Variants in ZNF394 observed in about 807,000 individuals in gnomAD.
ZNF394 encodes the protein zinc finger protein 394.
ZNF394 carries 19 observed loss-of-function variants against 21.8 expected under a neutral mutation model. The observed-to-expected ratio is 0.87, with a 90% CI of 0.61 to 1.28. The LOEUF is 1.28. Ranked by LOEUF, ZNF394 falls within the 50% of genes most tolerant of loss-of-function variation. The pLI is 0.00. For missense variants in ZNF394, 683 were observed against 708.6 expected, an observed-to-expected ratio of 0.96 and a Z score of 0.41; for synonymous variants, 294 against 273.3, an observed-to-expected ratio of 1.08 and a Z score of -0.75.
intron 1 of ZNF394, 90 bp from the exon 2 acceptor site, chr7:99,498,932 G>A (rs1476763541): frequency 3.4e-6 from 5 of 1,464,960 alleles, no homozygotes; most frequent in East Asian, 2.4e-5. Context: ...AGGGAGTTTG[G>A]AGAGATCAGA....
chr7:99,492,011 T>C (rs1323540215), downstream of ZNF394, among the ~76,000 whole-genome samples: 2 of 147,456 alleles, frequency 1.4e-5, no homozygotes, highest in African/African-American at 5.0e-5. Flanking sequence ...AGGTGGAGTT[T>C]GTAGTGAGCC....
intron 1 of ZNF394, chr7:99,487,302 A>G: frequency 1.9e-6 from 3 of 1,614,214 alleles, no homozygotes; most frequent in Non-Finnish European, 2.5e-6. Context: ...GAATCCATAC[A>G]AAGGAGGAAT....
In ZNF394 at chr7:99,494,333, G is replaced by C. The variant is rs752364676; in HGVS notation, c.882C>G (p.Asn294Lys). 2 of 1,614,090 alleles carry C rather than the reference G, an allele frequency of 1.2e-6. No homozygotes were observed. The highest frequency in any genetic ancestry group is 1.7e-6 in the Non-Finnish European group (2 of 1,180,048). The change falls in exon 3 of 3, where the codon AAC (asparagine) becomes AAG (lysine). Residue 294 changes from asparagine (N) to lysine (K), a missense_variant. By Grantham distance (94) the Asn-to-Lys change is moderately conservative. This residue lies in a region of ZNF394 where 402 missense variants were observed against 373.8 expected (regional missense o/e 1.08). Coordinates refer to ENST00000337673, the MANE Select transcript of ZNF394 (RefSeq NM_032164.4). ...NELQNSARCS[N>K]LVLCQHIPKA... is the part of the protein sequence containing the mutation. ...TCGGGATGTGCTGACATAGAACAAG[G>C]TTGGAACACCTGGCACTGTTCTGCA...
chr7:99,488,441 G>T (rs1220207813), downstream of ZNF394, among the ~76,000 whole-genome samples: 1 of 151,126 alleles, frequency 6.6e-6, no homozygotes, highest in Non-Finnish European at 1.5e-5. Flanking sequence ...GGTGGAGGTT[G>T]CAGTGAGCCA....
At chr7:99,495,449 A>G (rs1207701377) in intron 2 of ZNF394, among the ~76,000 whole-genome samples, 2 of 151,354 alleles carry the variant, frequency 1.3e-5, no homozygotes, top group East Asian at 3.9e-4. Flanking sequence ...CAGCCTCCCA[A>G]GTAGCTGGGA....
Position 99,499,728 on chromosome 7 carries a change from G to A in ZNF394, c.366C>T (p.Ala122=), listed in dbSNP as rs1800456182. 2 of 1,614,012 alleles carry A rather than the reference G, an allele frequency of 1.2e-6. No individual in the cohort carries two copies. The highest frequency in any genetic ancestry group is 1.1e-5 in the South Asian group (1 of 91,082). The change falls in exon 1 of 3, where the codon GCC becomes GCT. Residue 122 remains alanine, a synonymous_variant. Coordinates refer to ENST00000337673, the MANE Select transcript of ZNF394 (RefSeq NM_032164.4). ...TCTCTGGGCAGTGCTCTCGCACCCAGGCTTGAAGCTCCTCGGGCAGGATGG... is the reference window on the plus strand; with the variant it reads ...TCTCTGGGCAGTGCTCTCGCACCCAAGCTTGAAGCTCCTCGGGCAGGATGG... ...FLTILPEELQ[A]WVREHCPESG... is the part of the protein sequence containing the mutation.
In ZNF394 at chr7:99,499,940, T is replaced by G. The variant is rs1488771522; in HGVS notation, c.154A>C (p.Asn52His). 1 of 1,613,912 alleles carries G rather than the reference T, an allele frequency of 6.2e-7. No homozygotes were observed. Among genetic ancestry groups the G allele is most frequent in the African/African-American group, 1.3e-5 (1 of 74,938 alleles). The stretch of plus-strand genomic sequence containing the variant: ...GGGTCCGGCGAAGCCGCGGGATAGT[T>G]GGGCTCCCAACTTCCGGGTGAGTCT... ...EEDSPGSWEP[N>H]YPAASPDPET... is the part of the protein sequence containing the mutation. The change falls in exon 1 of 3, where the codon AAC becomes CAC. Residue 52 changes from asparagine (N) to histidine (H), a missense_variant. By Grantham distance (68) the Asn-to-His change is moderately conservative. This residue lies in a region of ZNF394 where 402 missense variants were observed against 373.8 expected (regional missense o/e 1.08). Coordinates refer to ENST00000337673, the MANE Select transcript of ZNF394 (RefSeq NM_032164.4).
chr7:99,500,031 C>T lies in ZNF394; in HGVS notation c.63G>A (p.Met21Ile), dbSNP rs761746689. 8 of 1,602,690 alleles carry T rather than the reference C, an allele frequency of 5.0e-6. No individual in the cohort carries two copies. The highest frequency in any genetic ancestry group is 6.8e-6 in the Non-Finnish European group (8 of 1,177,364). The change falls in exon 1 of 3, where the codon ATG (methionine) becomes ATA (isoleucine). Residue 21 changes from methionine to isoleucine, a missense_variant. This residue lies in a region of ZNF394 where 402 missense variants were observed against 373.8 expected (regional missense o/e 1.08). Coordinates refer to ENST00000337673, the MANE Select transcript of ZNF394 (RefSeq NM_032164.4). Reference protein sequence around the residue: ...GSDAELGPWVMAARSKDAAPS... With the variant: ...GSDAELGPWVIAARSKDAAPS... ...GCGCCGCGTCCTTGGACCTCGCAGC[C>T]ATCACCCAGGGTCCCAACTCGGCGT...
chr7:99,487,598 C>T (rs1366283540), intron 1 of ZNF394: 1 of 1,298,992 alleles, frequency 7.7e-7, no homozygotes, highest in African/African-American at 1.5e-5. Flanking sequence ...AAGGGTTTTT[C>T]TATGGGAGCC....
At chr7:99,487,888 C>T (rs1800058032) in intron 1 of ZNF394, among the ~76,000 whole-genome samples, 1 of 151,680 alleles carries the variant, frequency 6.6e-6, no homozygotes, top group South Asian at 2.1e-4. Context: ...CTGGCTAACA[C>T]AGTGAAACCC....
downstream of ZNF394, among the ~76,000 whole-genome samples, chr7:99,491,369 CTT>C (rs1454032566): frequency 6.6e-6 from 1 of 152,118 alleles, no homozygotes. Context: ...CTAAGAGCAT[CTT>C]TTCTTATCAT....
chr7:99,491,734 C>T (rs113731426), downstream of ZNF394, among the ~76,000 whole-genome samples: 682 of 143,614 alleles, frequency 4.7e-3, 8 homozygotes, highest in African/African-American at 0.017. Flanking sequence ...CGATATCATG[C>T]CACTGCACTC....
At chr7:99,489,206 C>T (rs1210547930), downstream of ZNF394, among the ~76,000 whole-genome samples, 13 of 149,904 alleles carry the variant, frequency 8.7e-5, no homozygotes, top group African/African-American at 3.0e-4. Flanking sequence ...ATCGCTTGAA[C>T]CTGGGAGGTA....
chr7:99,496,862 G>C (rs997471699), intron 2 of ZNF394, among the ~76,000 whole-genome samples: 1 of 151,374 alleles, frequency 6.6e-6, no homozygotes, highest in Admixed American at 6.6e-5. Context: ...GTGAGCCACC[G>C]TACCCAGCCA....
chr7:99,487,523 C>CTTGT, intron 1 of ZNF394: 1 of 1,572,648 alleles, frequency 6.4e-7, no homozygotes, highest in Non-Finnish European at 8.6e-7. Flanking sequence ...AGAACTAGAA[C>CTTGT]TTATAAACCT....
downstream of ZNF394, among the ~76,000 whole-genome samples, chr7:99,488,563 G>A (rs866525761): frequency 2.6e-5 from 4 of 151,590 alleles, no homozygotes; most frequent in Middle Eastern, 3.4e-3. Context: ...ACATGCTAAC[G>A]TATAGACTTA....
At position 99,500,179 on chromosome 7, in the gene ZNF394, C is replaced by A. The variant is rs1320877514; in HGVS notation, c.-86G>T. On this transcript the variant is annotated 5_prime_UTR_variant, in exon 1 of 3. Coordinates refer to ENST00000337673, the MANE Select transcript of ZNF394 (RefSeq NM_032164.4). Reference sequence around the variant, plus strand: ...CCAAGGAACTCATCAGCCGTCAACACCCTCCGGTCCCAAACACCGGGCCCC... The same window carrying A: ...CCAAGGAACTCATCAGCCGTCAACAACCTCCGGTCCCAAACACCGGGCCCC... The A allele has an allele frequency of 5.1e-6, 7 of 1,368,504 alleles. No homozygotes were observed. In the East Asian group the frequency reaches 9.7e-5, roughly 19 times the overall value. 84.8% of individuals were successfully genotyped at this position (1,368,504 alleles called of 1,614,324 possible). A position where few individuals can be genotyped will look rare whatever the true frequency, so the allele number is the denominator to read the frequency against.
chr7:99,487,224 G>T, intron 1 of ZNF394: 5 of 1,614,134 alleles, frequency 3.1e-6, no homozygotes, highest in Non-Finnish European at 4.2e-6. Context: ...ACAGTAAACC[G>T]AACACCCATA....
downstream of ZNF394, among the ~76,000 whole-genome samples, chr7:99,490,624 C>CT (rs35117471): frequency 4.4e-3 from 621 of 141,160 alleles, 2 homozygotes; most frequent in Middle Eastern, 0.019. Flanking sequence ...AAAGTGAGAC[C>CT]TTTTTTTTTT....
Sources: gnomAD v4.1 joint callset for allele counts (sites outside exome capture counted in the v4.1 genomes callset) on GRCh38, gnomAD v4.1.1 for gene constraint, gnomAD v4.1.1 regional missense constraint, MANE v1.5 for transcripts, NCBI Gene and HGNC (gene_info 2026-07-23, HGNC 2026-07-21) for gene names.